Variants in MS4A15 observed in about 807,000 individuals in gnomAD.
The protein encoded by MS4A15 is membrane spanning 4-domains A15.
MS4A15 carries 22 observed loss-of-function variants against 20.6 expected under a neutral mutation model. The observed-to-expected ratio is 1.07, with a 90% CI of 0.76 to 1.52. The LOEUF (loss-of-function observed/expected upper bound fraction) is 1.52, where lower values mean the gene tolerates loss of function less well. Among genes scored for constraint, MS4A15 ranks in the 40% most tolerant of loss-of-function variants. The probability of loss-of-function intolerance (pLI) is 0.00; values close to 1 mark genes in which losing one functional copy is unlikely to be tolerated. For synonymous variants in MS4A15, 129 were observed against 129.3 expected (o/e 1.00, Z 0.02); for missense variants, 312 against 323.0 (o/e 0.97, Z 0.26).
At chr11:60,757,964 A>C (rs2134694558) in intron 1 of MS4A15, among the ~76,000 whole-genome samples, 1 of 152,338 alleles carries the variant, frequency 6.6e-6, no homozygotes, top group South Asian at 2.1e-4. Flanking sequence ...CCGTGAAAAC[A>C]GTGTACATTC....
rs1854034834 is a variant in MS4A15 at position 60,771,328 on chromosome 11, A to C, written c.386A>C (p.Lys129Thr). The part of the protein sequence containing the change: ...ISGSLSVAAE[K>T]NHTSCLVRSS... ...GGATCCCTCTCAGTGGCAGCCGAGAAGAACCACACCAGTTGCCTGGTGAGT... is the reference window on the plus strand; with the variant it reads ...GGATCCCTCTCAGTGGCAGCCGAGACGAACCACACCAGTTGCCTGGTGAGT... Residue 129 changes from lysine (K) to threonine (T), a missense_variant, in exon 4 of 7, where the codon AAG (lysine) becomes ACG (threonine). Physicochemically the swap from Lys to Thr is moderately conservative, Grantham distance 78. Coordinates refer to ENST00000405633, the MANE Select transcript of MS4A15 (RefSeq NM_001098835.2). The C allele has an allele frequency of 2.5e-6, 4 of 1,614,060 alleles. No individual in the cohort carries two copies. The African/African-American group carries it at 4.0e-5, about 16-fold the overall frequency.
In MS4A15 at chr11:60,773,396, G is replaced by A. The variant is rs1412466613; in HGVS notation, c.410G>A (p.Arg137Lys). 6.2e-7 allele frequency: 1 copy of A among 1,612,492 alleles called. No individual in the cohort carries two copies. Among genetic ancestry groups the A allele is most frequent in the Non-Finnish European group, 8.5e-7 (1 of 1,179,548 alleles). ...CTGTCTCTCTGCTCTCTGCAGGTGA[G>A]GAGCAGCCTGGGCACCAACATCCTC... ...AEKNHTSCLV[R>K]SSLGTNILSV... The change falls in exon 5 of 7, where the codon AGG becomes AAG. Residue 137 changes from arginine to lysine, a missense_variant. Transcript: ENST00000405633.
chr11:60,774,765 C>T (rs964033549), intron 6 of MS4A15, among the ~76,000 whole-genome samples: 7 of 152,176 alleles, frequency 4.6e-5, no homozygotes, highest in African/African-American at 1.2e-4. Context: ...AAGGCTGCCT[C>T]GGGCAGGCAA....
At chr11:60,775,421 A>G (rs1224312194) in intron 6 of MS4A15, among the ~76,000 whole-genome samples, 184 bp from the exon 7 acceptor site, 1 of 152,224 alleles carries the variant, frequency 6.6e-6, no homozygotes, top group East Asian at 1.9e-4. Context: ...TGCCTGGATC[A>G]TAGCTGGCCC....
Position 60,769,622 on chromosome 11 carries a change from T to C in MS4A15, c.349-1669T>C, listed in dbSNP as rs113449340. 5.9e-3 allele frequency among the ~76,000 whole-genome samples: 903 copies of C among 152,242 alleles called. 11 individuals carry two copies. The highest frequency in any genetic ancestry group is 0.021 in the African/African-American group (862 of 41,524). On this transcript the variant is annotated intron_variant, in intron 3 of 6. Transcript: ENST00000405633. ...GAAAAGGCAACTCAGTATATCAAAA[T>C]GAAACTCTTGATTCCTGCCATAGGC...
intron 1 of MS4A15, among the ~76,000 whole-genome samples, chr11:60,759,249 T>C (rs1853668131): frequency 6.6e-6 from 1 of 152,260 alleles, no homozygotes; most frequent in South Asian, 2.1e-4. Flanking sequence ...CCCAACCCTG[T>C]GCTCACAGAA....
chr11:60,764,786 G>A (rs1430252127), intron 2 of MS4A15, among the ~76,000 whole-genome samples: 4 of 152,094 alleles, frequency 2.6e-5, no homozygotes, highest in Non-Finnish European at 4.4e-5. Context: ...CCGTGTGCCT[G>A]TAGTCCCAGC....
rs571947395 is a variant in MS4A15, at chr11:60,759,591, G to C, written c.-29+2533G>C. Reference sequence around the variant, plus strand: ...GGCCTCTTTGTGGTTGAGATAAGAGGAAGTCCTCTGTTTCCCACATGTCCC... The same window carrying C: ...GGCCTCTTTGTGGTTGAGATAAGAGCAAGTCCTCTGTTTCCCACATGTCCC... On this transcript the variant is annotated intron_variant, in intron 1 of 6. Transcript: ENST00000405633. 2.9e-4 allele frequency among the ~76,000 whole-genome samples: 44 copies of C among 152,092 alleles called. No homozygotes were observed. In the East Asian group the frequency reaches 8.2e-3, roughly 28 times the overall value.
At chr11:60,760,468 C>T (rs554646719) in intron 1 of MS4A15, among the ~76,000 whole-genome samples, 1 of 152,280 alleles carries the variant, frequency 6.6e-6, no homozygotes, top group South Asian at 2.1e-4. Flanking sequence ...CGTTTTAAAT[C>T]TCTCCATGTT....
At chr11:60,768,083 C>T (rs188188203) in intron 3 of MS4A15, among the ~76,000 whole-genome samples, 2 of 152,292 alleles carry the variant, frequency 1.3e-5, no homozygotes, top group Non-Finnish European at 1.5e-5. Flanking sequence ...ATCCCAGCTA[C>T]TTGGGAGGCT....
At chr11:60,759,865 A>G (rs1853690265) in intron 1 of MS4A15, among the ~76,000 whole-genome samples, 1 of 151,734 alleles carries the variant, frequency 6.6e-6, no homozygotes, top group Non-Finnish European at 1.5e-5. Context: ...CCTTCTCCCC[A>G]CCATCACCCT....
Position 60,767,595 on chromosome 11 carries a change from C to T in MS4A15, c.288C>T (p.Arg96=), listed in dbSNP as rs1048367051. The T allele has an allele frequency of 3.4e-5, 53 of 1,557,216 alleles. No homozygotes were observed. Among genetic ancestry groups the T allele is most frequent in the Non-Finnish European group, 4.4e-5 (51 of 1,149,834 alleles). The change falls in exon 3 of 7, where the codon CGC becomes CGT. Residue 96 remains arginine, a synonymous_variant. Transcript: ENST00000405633. ...LGFGSVLLMV[R]RGHVGIFFIE... ...TTGGCAGCGTGCTGCTCATGGTTCG[C>T]CGCGGCCACGTGGGCATCTTCTTCA...
rs1402010617 is a variant in MS4A15 at position 60,767,637 on chromosome 11, C to T, written c.330C>T (p.Pro110=). 1.3e-6 allele frequency: 2 copies of T among 1,554,204 alleles called. No individual in the cohort carries two copies. Among genetic ancestry groups the T allele is most frequent in the Non-Finnish European group, 1.7e-6 (2 of 1,148,402 alleles). The change falls in exon 3 of 7, where the codon CCC becomes CCT. Residue 110 remains proline (P), a synonymous_variant. Coordinates refer to ENST00000405633, the MANE Select transcript of MS4A15 (RefSeq NM_001098835.2). ...TCTTCTTCATCGAGGGCGGCGTCCC[C>T]TTCTGGGGAGGAGCCTGCGTGAGTG... is the stretch of plus-strand genomic sequence containing the variant. ...VGIFFIEGGV[P]FWGGACFIIS...
chr11:60,775,830 C>CG lies in MS4A15; in HGVS notation c.*115_*116insG. 1.5e-6 allele frequency: 1 copy of CG among 680,082 alleles called. No individual in the cohort carries two copies. Among genetic ancestry groups the CG allele is most frequent in the South Asian group, 2.0e-5 (1 of 49,680 alleles). 42.1% of individuals were successfully genotyped at this position (680,082 alleles called of 1,614,324 possible). On this transcript the variant is annotated 3_prime_UTR_variant, in exon 7 of 7. Transcript: ENST00000405633. ...CCCCATCCCAGCTGCCCTCCCTCACCACATCTACACATACTCCGGCATCTG... is the reference window on the plus strand; with the variant it reads ...CCCCATCCCAGCTGCCCTCCCTCACCGACATCTACACATACTCCGGCATCTG...
intron 1 of MS4A15, among the ~76,000 whole-genome samples, chr11:60,758,873 G>A (rs1168918875): frequency 6.6e-6 from 1 of 152,250 alleles, no homozygotes; most frequent in Non-Finnish European, 1.5e-5. Context: ...AATAGGCCAT[G>A]CAAAAATGGC....
intron 6 of MS4A15, among the ~76,000 whole-genome samples, chr11:60,774,813 C>T (rs955275948): frequency 7.9e-5 from 12 of 152,194 alleles, no homozygotes; most frequent in African/African-American, 2.4e-4. Context: ...GGCAGGTGCA[C>T]GATGGGATGC....
intron 2 of MS4A15, among the ~76,000 whole-genome samples, chr11:60,767,293 G>C (rs1162577981): frequency 6.6e-6 from 1 of 152,252 alleles, no homozygotes; most frequent in Non-Finnish European, 1.5e-5. Context: ...CAGAAAACAG[G>C]AGGCAGGCTG....
At chr11:60,761,603 T>C (rs957670670) in intron 1 of MS4A15, among the ~76,000 whole-genome samples, 5 of 152,202 alleles carry the variant, frequency 3.3e-5, no homozygotes, top group Admixed American at 2.0e-4. Flanking sequence ...GTCTATCACC[T>C]GGTCAGAGTA....
Position 60,767,629 on chromosome 11 carries a change from G to T in MS4A15, c.322G>T (p.Gly108Cys). The change falls in exon 3 of 7, where the codon GGC (glycine) becomes TGC (cysteine). Residue 108 changes from glycine to cysteine, a missense_variant. Gly to Cys is a radical substitution (Grantham distance 159). Coordinates refer to ENST00000405633, the MANE Select transcript of MS4A15 (RefSeq NM_001098835.2). ...CGTGGGCATCTTCTTCATCGAGGGC[G>T]GCGTCCCCTTCTGGGGAGGAGCCTG... ...GHVGIFFIEG[G>C]VPFWGGACFI... 1 of 1,556,004 alleles carries T rather than the reference G, an allele frequency of 6.4e-7. No homozygotes were observed. The highest frequency in any genetic ancestry group is 8.7e-7 in the Non-Finnish European group (1 of 1,149,274).
Sources: allele counts gnomAD v4.1 joint callset (sites outside exome capture counted in the v4.1 genomes callset), GRCh38; gene constraint gnomAD v4.1.1; transcripts MANE v1.5; gene names NCBI Gene and HGNC (gene_info 2026-07-23, HGNC 2026-07-21).